The following DLGAP2 variants were observed in gnomAD, a reference collection of about 807,000 sequenced individuals.
DLGAP2 encodes disks large-associated protein 2.
In DLGAP2, 26 loss-of-function variants were observed where a neutral mutation model predicts 100.3. The observed-to-expected ratio is 0.26, with a 90% CI of 0.19 to 0.36. The LOEUF is 0.36. Among genes scored for constraint, DLGAP2 ranks in the 10% least tolerant of loss-of-function variants. The pLI is 1.00. For synonymous variants in DLGAP2, 886 were observed against 630.1 expected (o/e 1.41, Z -6.08); for missense variants, 1,858 against 1,453.2 (o/e 1.28, Z -4.53).
chr8:1,127,955 G>T (rs1449826215), intron 2 of DLGAP2, among the ~76,000 whole-genome samples: 3 of 152,232 alleles, frequency 2.0e-5, no homozygotes, highest in Non-Finnish European at 4.4e-5. Flanking sequence ...TTCTAAAATA[G>T]ATTCTCATTT....
At chr8:1,091,947 T>C (rs1804197577) in intron 2 of DLGAP2, among the ~76,000 whole-genome samples, 1 of 152,024 alleles carries the variant, frequency 6.6e-6, no homozygotes, top group Non-Finnish European at 1.5e-5. Context: ...CCTCTGGGAG[T>C]TCCATGTCGT....
intron 2 of DLGAP2, among the ~76,000 whole-genome samples, chr8:1,183,073 C>T (rs1002968706): frequency 1.3e-5 from 2 of 152,084 alleles, no homozygotes; most frequent in East Asian, 1.9e-4. Flanking sequence ...GGAGTGCTTT[C>T]GGTAAGAGCT....
intron 1 of DLGAP2, among the ~76,000 whole-genome samples, chr8:796,440 A>C (rs1365656663): frequency 6.6e-6 from 1 of 151,486 alleles, no homozygotes; most frequent in Non-Finnish European, 1.5e-5. Flanking sequence ...CTGATGTTTG[A>C]TGCTGTTCTG....
chr8:1,123,652 A>G (rs1421315913), intron 2 of DLGAP2, among the ~76,000 whole-genome samples: 1 of 152,234 alleles, frequency 6.6e-6, no homozygotes, highest in Non-Finnish European at 1.5e-5. Context: ...AAAAAAAGAA[A>G]TAGTTCTATG....
intron 2 of DLGAP2, among the ~76,000 whole-genome samples, chr8:1,207,261 C>A (rs552185128): frequency 6.6e-6 from 1 of 152,294 alleles, no homozygotes; most frequent in Non-Finnish European, 1.5e-5. Context: ...CCCCAAAGTC[C>A]ATTGTGTCAT....
intron 4 of DLGAP2, among the ~76,000 whole-genome samples, chr8:1,510,807 A>G (rs7832062): frequency 0.44 from 66,306 of 151,754 alleles, 15,232 homozygotes; most frequent in South Asian, 0.66. Flanking sequence ...GTCCAAGTCC[A>G]GGAGGTCCAC....
rs138982338 is a variant in DLGAP2 at position 1,672,282 on chromosome 8, G to C, written c.2202+2498G>C. 6.4e-4 allele frequency among the ~76,000 whole-genome samples: 96 copies of C among 149,276 alleles called. 1 individual carries two copies. Among genetic ancestry groups the C allele is most frequent in the African/African-American group, 2.2e-3 (88 of 40,186 alleles). On this transcript the variant is annotated intron_variant, in intron 10 of 14. Coordinates refer to ENST00000637795, the MANE Select transcript of DLGAP2 (RefSeq NM_001346810.2). The stretch of plus-strand genomic sequence containing the variant: ...CACTCTGTTGCCCAGGCTGAAGTGC[G>C]TGGCACGATCTCAGGTCACTGCAGC...
chr8:1,522,461 G>A (rs1370967594), intron 4 of DLGAP2, among the ~76,000 whole-genome samples: 1 of 152,194 alleles, frequency 6.6e-6, no homozygotes, highest in Admixed American at 6.5e-5. Flanking sequence ...ACAGTGCTGG[G>A]GCCAAGGCCA....
chr8:1,603,988 C>T (rs965011856), intron 6 of DLGAP2, among the ~76,000 whole-genome samples: 2 of 152,144 alleles, frequency 1.3e-5, no homozygotes, highest in East Asian at 1.9e-4. Flanking sequence ...GCCACCGCGT[C>T]GGCACCTCTC....
At chr8:945,060 A>C (rs1328249922) in intron 2 of DLGAP2, among the ~76,000 whole-genome samples, 2 of 152,214 alleles carry the variant, frequency 1.3e-5, no homozygotes, top group African/African-American at 4.8e-5. Flanking sequence ...TTTCCACCCC[A>C]ATTTCTGTTC....
intron 2 of DLGAP2, among the ~76,000 whole-genome samples, chr8:1,235,065 G>A (rs1449812406): frequency 2.0e-5 from 3 of 148,412 alleles, no homozygotes; most frequent in Admixed American, 2.0e-4. Context: ...CTCTCACATG[G>A]CATCGTGTCT....
chr8:1,052,950 A>G (rs1201425962), intron 2 of DLGAP2, among the ~76,000 whole-genome samples: 1 of 152,206 alleles, frequency 6.6e-6, no homozygotes, highest in Non-Finnish European at 1.5e-5. Flanking sequence ...AGGTTAAGCA[A>G]ATATTCAAGA....
chr8:1,205,692 C>T (rs939635000), intron 2 of DLGAP2, among the ~76,000 whole-genome samples: 3 of 152,180 alleles, frequency 2.0e-5, no homozygotes, highest in African/African-American at 4.8e-5. Context: ...GTGACCGGAG[C>T]ACTGGGATTC....
chr8:763,962 C>A (rs866651789), intron 1 of DLGAP2, among the ~76,000 whole-genome samples: 2 of 152,158 alleles, frequency 1.3e-5, no homozygotes, highest in Non-Finnish European at 2.9e-5. Context: ...AGGGCCTTTA[C>A]TGTGTTTGGC....
chr8:1,483,176 G>T (rs1462724854), intron 3 of DLGAP2, among the ~76,000 whole-genome samples: 4 of 152,206 alleles, frequency 2.6e-5, no homozygotes, highest in African/African-American at 4.8e-5. Context: ...GGAGTGATCT[G>T]TGGCTGATGA....
chr8:1,699,903 G>C (rs936844894), intron 14 of DLGAP2, among the ~76,000 whole-genome samples: 4 of 152,216 alleles, frequency 2.6e-5, no homozygotes, highest in Non-Finnish European at 4.4e-5. Flanking sequence ...GACACCAAAA[G>C]AGGAAACAGA....
At chr8:850,347 A>C (rs1335641534) in intron 1 of DLGAP2, among the ~76,000 whole-genome samples, 1 of 152,178 alleles carries the variant, frequency 6.6e-6, no homozygotes, top group Non-Finnish European at 1.5e-5. Context: ...CTACAAGTTA[A>C]AAGTTACGCT....
Position 1,527,070 on chromosome 8 carries a change from G to A in DLGAP2, c.173-21556G>A, listed in dbSNP as rs1184722666. Among the ~76,000 whole-genome samples the A allele has an allele frequency of 2.0e-5, 3 of 151,716 alleles. No homozygotes were observed. The East Asian group carries it at 5.8e-4, about 29-fold the overall frequency. ...TATCCAACCCTCTCCTGCGAGCAGCGGGTGCCATCACAAGCCCACCCGTTA... is the reference window on the plus strand; with the variant it reads ...TATCCAACCCTCTCCTGCGAGCAGCAGGTGCCATCACAAGCCCACCCGTTA... On this transcript the variant is annotated intron_variant, in intron 4 of 14. Coordinates refer to ENST00000637795, the MANE Select transcript of DLGAP2 (RefSeq NM_001346810.2).
intron 4 of DLGAP2, among the ~76,000 whole-genome samples, chr8:1,512,176 A>G (rs955397550): frequency 8.5e-5 from 13 of 152,200 alleles, no homozygotes; most frequent in African/African-American, 2.9e-4. Context: ...GTTAGAGTGC[A>G]CTCACGTTGC....
Sources: allele counts gnomAD v4.1 joint callset (sites outside exome capture counted in the v4.1 genomes callset), GRCh38; gene constraint gnomAD v4.1.1; transcripts MANE v1.5; gene names NCBI Gene and HGNC (gene_info 2026-07-23, HGNC 2026-07-21).